CYP2J2: variants seen among roughly 807,000 people sequenced by gnomAD.
The protein encoded by CYP2J2 is cytochrome P450 2J2.
Under a neutral mutation model 48.8 loss-of-function variants are expected in CYP2J2, and 41 were observed. The ratio of observed to expected loss-of-function variants is 0.84; its 90% CI spans 0.66 to 1.09. The LOEUF (loss-of-function observed/expected upper bound fraction) is 1.09. Ranked by LOEUF, CYP2J2 falls within the 50% of genes least tolerant of loss-of-function variation. CYP2J2 has a pLI of 0.00. For missense variants in CYP2J2, 644 were observed against 617.3 expected (o/e 1.04, Z -0.46); for synonymous variants, 221 against 227.1 (o/e 0.97, Z 0.24).
intron 1 of CYP2J2, among the ~76,000 whole-genome samples, chr1:59,917,580 G>A (rs1387307287): frequency 6.6e-6 from 1 of 152,178 alleles, no homozygotes; most frequent in Non-Finnish European, 1.5e-5. Context: ...AGAGTTTAGT[G>A]GGAGTGACAG....
Position 59,915,862 on chromosome 1 carries a change from A to G in CYP2J2, c.373+76T>C, listed in dbSNP as rs547354356. On this transcript the variant is annotated intron_variant, in intron 2 of 8. Coordinates refer to ENST00000371204, the MANE Select transcript of CYP2J2 (RefSeq NM_000775.4). The stretch of plus-strand genomic sequence containing the variant: ...GTTTCTAGGAGTGTTGGAAAATTAC[A>G]GTCACCAAGGTGCCTTTAACAGATT... The G allele has an allele frequency of 4.5e-5, 62 of 1,389,180 alleles. No individual in the cohort carries two copies. The African/African-American group carries it at 8.8e-4, about 20-fold the overall frequency. The allele number at this position is 1,389,180 out of a possible 1,614,324, so 86.1% of individuals were successfully genotyped here.
the CYP2J2 span, among the ~76,000 whole-genome samples, chr1:59,939,457 C>T: frequency 6.6e-6 from 1 of 152,196 alleles, no homozygotes; most frequent in Non-Finnish European, 1.5e-5. Flanking sequence ...CTCTCTGTTC[C>T]AAGCTGCCTA....
the CYP2J2 span, among the ~76,000 whole-genome samples, chr1:59,946,874 AAATAT>A: frequency 6.6e-6 from 1 of 152,208 alleles, no homozygotes; most frequent in Non-Finnish European, 1.5e-5. Context: ...ATATATGCAT[AAATAT>A]AATAATCTTT....
chr1:59,928,003 TTA>T (rs1448289026), upstream of CYP2J2, among the ~76,000 whole-genome samples: 4 of 152,200 alleles, frequency 2.6e-5, no homozygotes, highest in African/African-American at 9.7e-5. Context: ...TTTCTAATAT[TTA>T]TATATGATAT....
chr1:59,935,628 T>TA, the CYP2J2 span, among the ~76,000 whole-genome samples: 1 of 152,046 alleles, frequency 6.6e-6, no homozygotes, highest in Non-Finnish European at 1.5e-5. Context: ...GCAAAACATG[T>TA]AAAAATAGAT....
chr1:59,905,165 A>C (rs939239505), intron 6 of CYP2J2, 107 bp from the exon 7 acceptor site: 3 of 1,139,542 alleles, frequency 2.6e-6, no homozygotes, highest in African/African-American at 3.2e-5. Context: ...ATTAGTGACC[A>C]GGTTGCAAGA....
chr1:59,901,132 G>A lies in CYP2J2; in HGVS notation c.1192-29C>T, dbSNP rs747996132. ...GAGAAAGCAGCAGAGACTCAGGCAA[G>A]GCTTGACCCATGAAAAAGCACACCT... On this transcript the variant is annotated intron_variant, in intron 7 of 8. Coordinates refer to ENST00000371204, the MANE Select transcript of CYP2J2 (RefSeq NM_000775.4). 3.7e-6 allele frequency: 6 copies of A among 1,604,050 alleles called. No individual in the cohort carries two copies. The South Asian group carries it at 5.5e-5, about 15-fold the overall frequency.
intron 6 of CYP2J2, among the ~76,000 whole-genome samples, chr1:59,906,154 C>T (rs1396237281): frequency 6.6e-6 from 1 of 152,182 alleles, no homozygotes; most frequent in Non-Finnish European, 1.5e-5. Context: ...CCACTGCACT[C>T]CAGCCTGGGT....
Position 59,893,757 on chromosome 1 carries a change from T to C in CYP2J2, c.1403A>G (p.Lys468Arg). 6.2e-7 allele frequency: 1 copy of C among 1,613,418 alleles called. No individual in the cohort carries two copies. ...ATTGTTTGGGGGCCTGAAGGTAAAT[T>C]TTTGCATAAGGGAAGTGAAGAAAAT... ...LFIFFTSLMQ[K>R]FTFRPPNNEK... The change falls in exon 9 of 9, where the codon AAA becomes AGA. Residue 468 changes from lysine to arginine, a missense_variant. By Grantham distance (26) the Lys-to-Arg change is conservative (BLOSUM62 2). Transcript: ENST00000371204.
the CYP2J2 span, among the ~76,000 whole-genome samples, chr1:59,964,112 C>T: frequency 5.3e-5 from 8 of 152,062 alleles, no homozygotes; most frequent in Admixed American, 2.6e-4. Context: ...TACTGACAGG[C>T]GTAGTGTCTG....
chr1:59,946,487 T>A, the CYP2J2 span, among the ~76,000 whole-genome samples: 1 of 152,212 alleles, frequency 6.6e-6, no homozygotes, highest in Non-Finnish European at 1.5e-5. Flanking sequence ...GCACTGATAG[T>A]TTATTCTTCC....
chr1:59,900,878 CAA>C, intron 8 of CYP2J2, 85 bp downstream of exon 8: 1 of 1,467,432 alleles, frequency 6.8e-7, no homozygotes, highest in East Asian at 2.3e-5. Context: ...GGAGACATTC[CAA>C]TGAAAACAAG....
At position 59,915,988 on chromosome 1, in the gene CYP2J2, A is replaced by C; in HGVS notation, c.323T>G (p.Phe108Cys). Reference sequence around the variant, plus strand: ...CATAGGGGTCACGGGGCGGTTCCCAAAGTTTTGGTCCATGTGGATAAGGGC... The same window carrying C: ...CATAGGGGTCACGGGGCGGTTCCCACAGTTTTGGTCCATGTGGATAAGGGC... ...KEALIHMDQNFGNRPVTPMRE... is the reference protein window; with the variant it reads ...KEALIHMDQNCGNRPVTPMRE... Residue 108 changes from phenylalanine to cysteine, a missense_variant, in exon 2 of 9, where the codon TTT (phenylalanine) becomes TGT (cysteine). Phe to Cys is a radical substitution (Grantham distance 205). Coordinates refer to ENST00000371204, the MANE Select transcript of CYP2J2 (RefSeq NM_000775.4). 6.2e-7 allele frequency: 1 copy of C among 1,613,968 alleles called. No homozygotes were observed. The highest frequency in any genetic ancestry group is 8.5e-7 in the Non-Finnish European group (1 of 1,179,922).
chr1:59,939,493 ACCC>A, the CYP2J2 span, among the ~76,000 whole-genome samples: 1 of 152,026 alleles, frequency 6.6e-6, no homozygotes, highest in Non-Finnish European at 1.5e-5. Context: ...TGACAAAAAC[ACCC>A]CTGTGGCCGC....
the CYP2J2 span, among the ~76,000 whole-genome samples, chr1:59,935,377 T>C: frequency 2.0e-5 from 3 of 152,124 alleles, no homozygotes; most frequent in South Asian, 6.2e-4. Context: ...TGAAATTTGG[T>C]TAAGAGGGTA....
chr1:59,896,697 C>T (rs1348369320), intron 8 of CYP2J2, among the ~76,000 whole-genome samples: 1 of 152,118 alleles, frequency 6.6e-6, no homozygotes, highest in Non-Finnish European at 1.5e-5. Context: ...GTCACTACCA[C>T]CATCTCTATT....
chr1:59,931,718 CA>C (rs2102147820), upstream of CYP2J2, among the ~76,000 whole-genome samples: 1 of 151,876 alleles, frequency 6.6e-6, no homozygotes, highest in Admixed American at 6.6e-5. Context: ...CCTGTTTATC[CA>C]AAAAAGTGAA....
At chr1:59,935,013 T>C in the CYP2J2 span, among the ~76,000 whole-genome samples, 164 of 39,716 alleles carry the variant, frequency 4.1e-3, no homozygotes, top group East Asian at 0.031. Context: ...TATATATATA[T>C]ACATATATAT....
chr1:59,905,030 C>T lies in CYP2J2; in HGVS notation c.1032G>A (p.Val344=). The T allele has an allele frequency of 6.2e-7, 1 of 1,613,786 alleles. No homozygotes were observed. Among genetic ancestry groups the T allele is most frequent in the South Asian group, 1.1e-5 (1 of 90,990 alleles). The part of the protein sequence containing the change: ...QEKVQAEIDR[V]IGQGQQPSTA... The stretch of plus-strand genomic sequence containing the variant: ...TGCTCGGCTGCTGCCCCTGGCCAAT[C>T]ACTCTGTCAATCTCAGCTTGTACTT... The change falls in exon 7 of 9, where the codon GTG becomes GTA. Residue 344 remains valine, a synonymous_variant. Transcript: ENST00000371204.
Sources: allele counts gnomAD v4.1 joint callset (sites outside exome capture counted in the v4.1 genomes callset), GRCh38; gene constraint gnomAD v4.1.1; transcripts MANE v1.5; gene names NCBI Gene and HGNC (gene_info 2026-07-23, HGNC 2026-07-21).